The following SAMD4B variants were observed in gnomAD, a reference collection of about 807,000 sequenced individuals.
SAMD4B encodes the protein sterile alpha motif domain containing 4B.
Under a neutral mutation model 74.5 loss-of-function variants are expected in SAMD4B, and 5 were observed. The ratio of observed to expected loss-of-function variants is 0.07; its 90% CI spans 0.04 to 0.14. The LOEUF (loss-of-function observed/expected upper bound fraction) is 0.14. Ranked by LOEUF, SAMD4B falls within the 10% of genes least tolerant of loss-of-function variation. The pLI is 1.00. For missense variants in SAMD4B, 608 were observed against 921.8 expected (o/e 0.66, Z 4.41); for synonymous variants, 373 against 374.9 (o/e 1.00, Z 0.06).
chr19:39,371,385 C>T (rs1487883883), intron 4 of SAMD4B, among the ~76,000 whole-genome samples: 1 of 152,118 alleles, frequency 6.6e-6, no homozygotes, highest in Non-Finnish European at 1.5e-5. Flanking sequence ...TGGTGAGAAC[C>T]TGGGAAGATA....
chr19:39,362,660 G>A (rs903194817), intron 3 of SAMD4B, among the ~76,000 whole-genome samples: 1 of 152,126 alleles, frequency 6.6e-6, no homozygotes, highest in African/African-American at 2.4e-5. Flanking sequence ...TTCCTCTGAT[G>A]CTGACTTGGA....
chr19:39,363,743 C>T (rs1051348769), intron 3 of SAMD4B, among the ~76,000 whole-genome samples: 1 of 152,220 alleles, frequency 6.6e-6, no homozygotes, highest in African/African-American at 2.4e-5. Context: ...TTGAATCCAG[C>T]AAGTTTGCCT....
downstream of SAMD4B, chr19:39,388,230 T>G (rs993667276): frequency 1.9e-6 from 2 of 1,034,672 alleles, no homozygotes; most frequent in Admixed American, 1.9e-5. Flanking sequence ...TGTTTACCAA[T>G]GCATATGACA....
In SAMD4B at chr19:39,378,157, G is replaced by A. The variant is rs2077717197; in HGVS notation, c.1444+333G>A. ...CAGAGGGGACCAAAGTCCAGGGGAT[G>A]GGGATGGTGAAATTTATCACAGCTT... On this transcript the variant is annotated intron_variant, in intron 8 of 13. Coordinates refer to ENST00000610417, the MANE Select transcript of SAMD4B (RefSeq NM_001384574.2). The surrounding 1 kb of genome is among the most constrained non-coding windows in gnomAD (Gnocchi z 4.4). Among the ~76,000 whole-genome samples, 1 of 152,174 alleles carries A rather than the reference G, an allele frequency of 6.6e-6. No individual in the cohort carries two copies. The highest frequency in any genetic ancestry group is 6.5e-5 in the Admixed American group (1 of 15,270).
Position 39,375,735 on chromosome 19 carries a change from G to A in SAMD4B, c.753G>A (p.Pro251=), listed in dbSNP as rs149049769. 915 of 1,614,104 alleles carry A rather than the reference G, an allele frequency of 5.7e-4. 3 individuals are homozygous for A. The African/African-American group carries it at 0.01, about 18-fold the overall frequency. Residue 251 remains proline, a synonymous_variant, in exon 5 of 14, where the codon CCG becomes CCA. Transcript: ENST00000610417. The surrounding 1 kb of genome is among the most constrained non-coding windows in gnomAD (Gnocchi z 4.1). Reference sequence around the variant, plus strand: ...GCCCCCAGGTCCCTGGTGAGTGGCCGAGTCCAGAGGAGCTTGGGGCCCGGG... The same window carrying A: ...GCCCCCAGGTCCCTGGTGAGTGGCCAAGTCCAGAGGAGCTTGGGGCCCGGG... ...PTSPQVPGEW[P]SPEELGARAA... is the part of the protein sequence containing the mutation.
intron 1 of SAMD4B, chr19:39,352,065 C>G (rs2076072799): frequency 1.3e-5 from 2 of 152,344 alleles, no homozygotes; most frequent in South Asian, 4.1e-4. Flanking sequence ...AGAGGGCCAT[C>G]CAGTCCTCTC....
At chr19:39,363,516 C>A (rs1038470874) in intron 3 of SAMD4B, among the ~76,000 whole-genome samples, 1 of 152,212 alleles carries the variant, frequency 6.6e-6, no homozygotes, top group African/African-American at 2.4e-5. Flanking sequence ...AGCATGGGCT[C>A]TAGATTCAAC....
downstream of SAMD4B, among the ~76,000 whole-genome samples, chr19:39,387,781 C>CTA (rs2078285020): frequency 6.6e-6 from 1 of 152,214 alleles, no homozygotes; most frequent in South Asian, 2.1e-4. Flanking sequence ...CACATGAAGT[C>CTA]TGTTACTAAT....
chr19:39,348,526 C>CT (rs2075831508), intron 1 of SAMD4B: 1 of 152,142 alleles, frequency 6.6e-6, no homozygotes, highest in Admixed American at 6.5e-5. Flanking sequence ...TGGCTAAAGC[C>CT]TAAGTGAGGG....
At chr19:39,361,042 T>G (rs1363324302) in intron 3 of SAMD4B, among the ~76,000 whole-genome samples, 1 of 152,144 alleles carries the variant, frequency 6.6e-6, no homozygotes, top group Non-Finnish European at 1.5e-5. Flanking sequence ...CCTGACCCTC[T>G]CGGGCCTCAG....
chr19:39,370,186 G>A lies in SAMD4B; in HGVS notation c.667+61G>A. The A allele has an allele frequency of 6.2e-6, 9 of 1,460,378 alleles. No individual in the cohort carries two copies. The South Asian group carries it at 9.8e-5, about 16-fold the overall frequency. 90.5% of individuals were successfully genotyped at this position (1,460,378 alleles called of 1,614,324 possible). ...CTTGAAAAAGGTTGGACTAGGCTCA[G>A]TGAGAGCTCTCTCGCTCTGTGGCAT... On this transcript the variant is annotated intron_variant, in intron 4 of 13. Transcript: ENST00000610417.
intron 4 of SAMD4B, among the ~76,000 whole-genome samples, chr19:39,373,745 T>C (rs2077434921): frequency 6.6e-6 from 1 of 152,054 alleles, no homozygotes; most frequent in South Asian, 2.1e-4. Flanking sequence ...GCGGATCACC[T>C]GAGGTCGGGA....
At chr19:39,385,903 CAA>C, downstream of SAMD4B, 2 of 1,553,252 alleles carry the variant, frequency 1.3e-6, no homozygotes, top group Non-Finnish European at 1.7e-6. Context: ...GGGGAACAAA[CAA>C]GTGAAAGGCT....
Position 39,375,729 on chromosome 19 carries a change from G to A in SAMD4B, c.747G>A (p.Glu249=). 1 of 1,614,186 alleles carries A rather than the reference G, an allele frequency of 6.2e-7. No individual in the cohort carries two copies. The highest frequency in any genetic ancestry group is 1.1e-5 in the South Asian group (1 of 91,086). Residue 249 remains glutamate (E), a synonymous_variant, in exon 5 of 14, where the codon GAG becomes GAA. Transcript: ENST00000610417. This position sits in a 1 kb window ranked among gnomAD's most constrained non-coding sequence, Gnocchi z 4.1. ...CTACAAGCCCCCAGGTCCCTGGTGAGTGGCCGAGTCCAGAGGAGCTTGGGG... is the reference window on the plus strand; with the variant it reads ...CTACAAGCCCCCAGGTCCCTGGTGAATGGCCGAGTCCAGAGGAGCTTGGGG... ...LIPTSPQVPG[E]WPSPEELGAR...
At chr19:39,387,286 A>G (rs2078274075), downstream of SAMD4B, 4 of 335,670 alleles carry the variant, frequency 1.2e-5, no homozygotes, top group Admixed American at 1.2e-4. Flanking sequence ...GAAAAGGTAT[A>G]GTAAAGATAC....
intron 4 of SAMD4B, among the ~76,000 whole-genome samples, chr19:39,371,825 AAAAAC>A (rs983112651): frequency 6.6e-6 from 1 of 152,054 alleles, no homozygotes; most frequent in African/African-American, 2.4e-5. Context: ...TCAAAAAAAA[AAAAAC>A]AAAAACACAC....
intron 4 of SAMD4B, among the ~76,000 whole-genome samples, chr19:39,372,387 G>A (rs2077360567): frequency 6.6e-6 from 1 of 152,200 alleles, no homozygotes; most frequent in African/African-American, 2.4e-5. Context: ...GTCAGGATTT[G>A]AACTCAGGCC....
At chr19:39,376,366 C>G in intron 5 of SAMD4B, 71 bp from the exon 6 acceptor site, 7 of 1,337,972 alleles carry the variant, frequency 5.2e-6, no homozygotes, top group Non-Finnish European at 7.4e-6. Context: ...GGGTTTATCC[C>G]CACAACTTTT....
intron 4 of SAMD4B, among the ~76,000 whole-genome samples, chr19:39,374,233 C>T (rs539719347): frequency 6.6e-6 from 1 of 151,720 alleles, no homozygotes; most frequent in East Asian, 2.0e-4. Flanking sequence ...ATTGCACCAC[C>T]GCACTCGGCG....
Sources: allele counts gnomAD v4.1 joint callset (sites outside exome capture counted in the v4.1 genomes callset), GRCh38; gene constraint gnomAD v4.1.1; non-coding constraint Gnocchi (gnomAD v3.1); transcripts MANE v1.5; gene names NCBI Gene and HGNC (gene_info 2026-07-23, HGNC 2026-07-21).